The following IL1RAPL2 variants were observed in gnomAD, a reference collection of about 807,000 sequenced individuals.
The protein encoded by IL1RAPL2 is X-linked interleukin-1 receptor accessory protein-like 2.
A neutral mutation model predicts 44.1 loss-of-function variants in IL1RAPL2; 3 were observed. The observed-to-expected ratio is 0.07, with a 90% CI of 0.03 to 0.18. The LOEUF is 0.18. Among genes scored for constraint, IL1RAPL2 ranks in the 10% least tolerant of loss-of-function variants. IL1RAPL2 has a pLI of 1.00. For missense variants in IL1RAPL2, 391 were observed against 496.4 expected (o/e 0.79, Z 2.02); for synonymous variants, 181 against 178.8 (o/e 1.01, Z -0.10).
chrX:105,115,656 C>G (rs749198995), intron 2 of IL1RAPL2, among the ~76,000 whole-genome samples: 4 of 113,061 alleles, frequency 3.5e-5, no homozygotes, highest in Admixed American at 9.2e-5. Context: ...TTCTCCAAGT[C>G]CCCACCAGAC....
intron 7 of IL1RAPL2, among the ~76,000 whole-genome samples, chrX:105,739,207 T>A (rs945857837): frequency 9.0e-6 from 1 of 111,411 alleles, no homozygotes; most frequent in African/African-American, 3.3e-5. Context: ...AAAAATCCAA[T>A]TAGTTTCCAT....
At chrX:105,599,057 A>G (rs1210295858) in intron 6 of IL1RAPL2, among the ~76,000 whole-genome samples, 2 of 112,377 alleles carry the variant, frequency 1.8e-5, no homozygotes, top group African/African-American at 3.2e-5. Context: ...GGTGAAACCA[A>G]TAAGTCTACA....
chrX:105,765,115 C>CTGTTT (rs78648110), intron 10 of IL1RAPL2: 39,974 of 109,702 alleles, frequency 0.36, 6,994 homozygotes, highest in African/African-American at 0.69. Flanking sequence ...GGGTTTTGTT[C>CTGTTT]TGTTTTGGAG....
intron 6 of IL1RAPL2, among the ~76,000 whole-genome samples, chrX:105,512,275 A>T (rs1018754241): frequency 2.7e-5 from 3 of 111,714 alleles, no homozygotes; most frequent in South Asian, 3.7e-4. Flanking sequence ...CTAGCTCTAG[A>T]ATCTATTGGT....
At chrX:105,576,895 A>G (rs2037054138) in intron 6 of IL1RAPL2, among the ~76,000 whole-genome samples, 1 of 111,947 alleles carries the variant, frequency 8.9e-6, no homozygotes, top group African/African-American at 3.2e-5. Context: ...AAAAATCACC[A>G]TAAAGTTTGC....
At chrX:105,351,560 C>G (rs2392751) in intron 5 of IL1RAPL2, among the ~76,000 whole-genome samples, 14,447 of 109,894 alleles carry the variant, frequency 0.13, 2,302 homozygotes, top group African/African-American at 0.45. Flanking sequence ...CGTTCTCACT[C>G]TTAAGTGGGA....
At chrX:104,911,087 G>A (rs1363869257) in intron 2 of IL1RAPL2, among the ~76,000 whole-genome samples, 7 of 111,565 alleles carry the variant, frequency 6.3e-5, no homozygotes, top group Non-Finnish European at 1.3e-4. Flanking sequence ...ATTATCTCAA[G>A]AAAAATTAGA....
intron 6 of IL1RAPL2, among the ~76,000 whole-genome samples, chrX:105,580,752 T>C (rs1481782471): frequency 9.0e-6 from 1 of 111,512 alleles, no homozygotes; most frequent in Non-Finnish European, 1.9e-5. Flanking sequence ...CTCTTTTAAT[T>C]TGATTGCTTT....
intron 2 of IL1RAPL2, among the ~76,000 whole-genome samples, chrX:105,114,059 T>G (rs2032827900): frequency 9.0e-6 from 1 of 111,706 alleles, no homozygotes; most frequent in African/African-American, 3.3e-5. Flanking sequence ...CCCACTAAAA[T>G]GTATATGTTG....
chrX:104,637,976 G>C (rs987507631), intron 1 of IL1RAPL2, among the ~76,000 whole-genome samples: 1 of 111,429 alleles, frequency 9.0e-6, no homozygotes, highest in Non-Finnish European at 1.9e-5. Context: ...GAACTTGGCA[G>C]TAAAGCCATC....
At chrX:105,388,148 C>CAAAAAAA (rs760730401) in intron 5 of IL1RAPL2, among the ~76,000 whole-genome samples, 11 of 5,377 alleles carry the variant, frequency 2.0e-3, no homozygotes, top group East Asian at 8.7e-3. Context: ...AACTCCATCT[C>CAAAAAAA]AAAAAAAAAA....
chrX:105,277,787 AAG>A (rs1442896165), intron 5 of IL1RAPL2, among the ~76,000 whole-genome samples: 1 of 110,058 alleles, frequency 9.1e-6, no homozygotes, highest in Non-Finnish European at 1.9e-5. Flanking sequence ...TTCTAGAAAC[AAG>A]GTCAACAATA....
chrX:104,633,561 T>G, intron 1 of IL1RAPL2, among the ~76,000 whole-genome samples: 1 of 111,873 alleles, frequency 8.9e-6, no homozygotes, highest in East Asian at 2.8e-4. Context: ...CTTCCTGGTT[T>G]AGTCTTGGGA....
At chrX:105,723,971 CTTGTG>C (rs1203718287) in intron 7 of IL1RAPL2, among the ~76,000 whole-genome samples, 4 of 111,299 alleles carry the variant, frequency 3.6e-5, no homozygotes, top group African/African-American at 1.3e-4. Flanking sequence ...AATCATAGCT[CTTGTG>C]TTGTGCACAC....
At position 105,632,544 on chromosome X, in the gene IL1RAPL2, C is replaced by G. The variant is rs921335545; in HGVS notation, c.773-84823C>G. On this transcript the variant is annotated intron_variant, in intron 6 of 10. Coordinates refer to ENST00000372582, the MANE Select transcript of IL1RAPL2 (RefSeq NM_017416.2). The stretch of plus-strand genomic sequence containing the variant: ...AAGTTGGAGGAACTTATTCTATTAA[C>G]AATTCTTGGCAGCAATCACTCTTCT... Among the ~76,000 whole-genome samples the G allele has an allele frequency of 1.6e-4, 18 of 111,752 alleles. 1 individual carries two copies. The Middle Eastern group carries it at 0.018, about 114-fold the overall frequency.
chrX:105,077,770 C>G (rs973083518), intron 2 of IL1RAPL2, among the ~76,000 whole-genome samples: 2 of 111,450 alleles, frequency 1.8e-5, no homozygotes, highest in Non-Finnish European at 1.9e-5. Context: ...GTCTAAACTT[C>G]TCTTCATGCT....
chrX:105,704,723 C>T (rs764251269), intron 6 of IL1RAPL2, among the ~76,000 whole-genome samples: 1 of 110,781 alleles, frequency 9.0e-6, no homozygotes, highest in South Asian at 3.8e-4. Flanking sequence ...ATCAACCCAT[C>T]ACCTAGGTAT....
rs782176049 is a variant in IL1RAPL2 at position 105,216,871 on chromosome X, A to G, written c.357-16947A>G. 4.4e-5 allele frequency among the ~76,000 whole-genome samples: 5 copies of G among 112,407 alleles called. No homozygotes were observed. In the East Asian group the frequency reaches 1.4e-3, roughly 31 times the overall value. ...ATGGAGAAAGAATTCCCTATTTAAT[A>G]AATGGTGCTGGGAAAACTGGATAGC... On this transcript the variant is annotated intron_variant, in intron 3 of 10. Transcript: ENST00000372582.
intron 3 of IL1RAPL2, among the ~76,000 whole-genome samples, chrX:105,214,105 A>G (rs782366257): frequency 2.9e-5 from 3 of 103,479 alleles, no homozygotes; most frequent in African/African-American, 1.1e-4. Flanking sequence ...GACAGGATCA[A>G]ATTCACACAT....
Sources: gnomAD v4.1 joint callset for allele counts (sites outside exome capture counted in the v4.1 genomes callset) on GRCh38, gnomAD v4.1.1 for gene constraint, MANE v1.5 for transcripts, NCBI Gene and HGNC (gene_info 2026-07-23, HGNC 2026-07-21) for gene names.